Variants in SASH1 observed in about 807,000 individuals in gnomAD.
SASH1 encodes the protein SAM and SH3 domain containing 1, also known as SAM and SH3 domain-containing protein 1.
A neutral mutation model predicts 125.2 loss-of-function variants in SASH1; 44 were observed. That is an observed-to-expected ratio of 0.35 (90% CI 0.28 to 0.45). The LOEUF (loss-of-function observed/expected upper bound fraction) is 0.45. Among genes scored for constraint, SASH1 ranks in the 20% least tolerant of loss-of-function variants. The pLI, the probability that SASH1 is intolerant of heterozygous loss-of-function variation, is 1.00. For synonymous variants in SASH1, 639 were observed against 649.1 expected (o/e 0.98, Z 0.24); for missense variants, 1,426 against 1,614.5 (o/e 0.88, Z 2.00).
At chr6:148,508,914 T>G in intron 8 of SASH1, 8 of 1,055,254 alleles carry the variant, frequency 7.6e-6, no homozygotes, top group South Asian at 1.3e-5. Flanking sequence ...AAAGAAAGAA[T>G]GTGTTTTCTG....
rs371635678 is a variant in SASH1, at chr6:148,306,676, A to G, written n.74+34299A>G. ...TTCGCACAGTCTCCTCTCCCTAGAA[A>G]CACACACAAGATTCTCCCGAGCTGA... On this transcript the variant is annotated intron_variant and non_coding_transcript_variant, in intron 1 of 3. Coordinates refer to the SASH1 transcript ENST00000367469. 2.2e-4 allele frequency among the ~76,000 whole-genome samples: 33 copies of G among 152,210 alleles called. No homozygotes were observed. The East Asian group carries it at 4.2e-3, about 20-fold the overall frequency.
At chr6:148,455,317 C>T (rs1220253658) in intron 4 of SASH1, among the ~76,000 whole-genome samples, 1 of 152,220 alleles carries the variant, frequency 6.6e-6, no homozygotes, top group Non-Finnish European at 1.5e-5. Flanking sequence ...AGATCAGTGT[C>T]TTGTCAGCTT....
chr6:148,526,344 G>A (rs1746174476), intron 11 of SASH1, among the ~76,000 whole-genome samples: 1 of 152,122 alleles, frequency 6.6e-6, no homozygotes, highest in African/African-American at 2.4e-5. Flanking sequence ...TTACAGGTGT[G>A]AGCCACGCGC....
At chr6:148,511,975 G>A (rs1397385338) in intron 8 of SASH1, among the ~76,000 whole-genome samples, 1 of 151,442 alleles carries the variant, frequency 6.6e-6, no homozygotes, top group Non-Finnish European at 1.5e-5. Context: ...CAAACAATCT[G>A]TACCTATTTC....
chr6:148,425,984 A>C (rs1003457507), intron 2 of SASH1, among the ~76,000 whole-genome samples: 1 of 152,054 alleles, frequency 6.6e-6, no homozygotes, highest in African/African-American at 2.4e-5. Context: ...CAAGGCGGGC[A>C]GATCACCTGA....
At chr6:148,195,227 T>G in the SASH1 span, among the ~76,000 whole-genome samples, 1 of 152,238 alleles carries the variant, frequency 6.6e-6, no homozygotes, top group African/African-American at 2.4e-5. Context: ...GAGTTCATTT[T>G]GACAAACTAT....
At chr6:148,486,598 C>T (rs903207967) in intron 7 of SASH1, among the ~76,000 whole-genome samples, 3 of 151,604 alleles carry the variant, frequency 2.0e-5, no homozygotes, top group Admixed American at 1.3e-4. Context: ...CCATTTTGAA[C>T]AAGACAAACA....
intron 4 of SASH1, among the ~76,000 whole-genome samples, chr6:148,443,551 A>G (rs967832586): frequency 2.8e-4 from 19 of 66,876 alleles, no homozygotes; most frequent in African/African-American, 1.1e-3. Context: ...AGACCGTGAA[A>G]CTATTATGTT....
chr6:148,276,751 A>G (rs1779193942), intron 1 of SASH1, among the ~76,000 whole-genome samples: 1 of 152,050 alleles, frequency 6.6e-6, no homozygotes, highest in Non-Finnish European at 1.5e-5. Flanking sequence ...GCATTTTTTT[A>G]CCCAAGAAGT....
chr6:148,208,146 G>A, the SASH1 span, among the ~76,000 whole-genome samples: 3 of 152,066 alleles, frequency 2.0e-5, no homozygotes, highest in African/African-American at 4.8e-5. Context: ...AGCTCAGGAC[G>A]GCAACATGAT....
At chr6:148,461,952 A>G (rs2115083310) in intron 4 of SASH1, among the ~76,000 whole-genome samples, 1 of 152,318 alleles carries the variant, frequency 6.6e-6, no homozygotes, top group Non-Finnish European at 1.5e-5. Context: ...ACTACTTCTT[A>G]ATGTAAGCCC....
chr6:148,521,791 C>G (rs1688492793), intron 10 of SASH1, among the ~76,000 whole-genome samples: 1 of 152,198 alleles, frequency 6.6e-6, no homozygotes, highest in African/African-American at 2.4e-5. Context: ...AAGTGTTCTA[C>G]CCAATTCATC....
chr6:148,260,117 C>A, the SASH1 span, among the ~76,000 whole-genome samples: 1 of 152,058 alleles, frequency 6.6e-6, no homozygotes, highest in Non-Finnish European at 1.5e-5. Flanking sequence ...TATTTAAAAA[C>A]CAACATTTTT....
chr6:148,194,885 G>A, the SASH1 span, among the ~76,000 whole-genome samples: 1 of 152,304 alleles, frequency 6.6e-6, no homozygotes, highest in East Asian at 1.9e-4. Flanking sequence ...CAGCCTGGGC[G>A]ACAGAGCGAG....
At chr6:148,425,763 CCT>C (rs1775792276) in intron 2 of SASH1, among the ~76,000 whole-genome samples, 1 of 141,176 alleles carries the variant, frequency 7.1e-6, no homozygotes, top group Admixed American at 7.2e-5. Flanking sequence ...TCCCTGTCCC[CCT>C]GTGTCCCCCA....
chr6:148,273,279 T>A (rs1779106692), intron 1 of SASH1, among the ~76,000 whole-genome samples: 1 of 149,354 alleles, frequency 6.7e-6, no homozygotes, highest in Non-Finnish European at 1.5e-5. Context: ...TCTTCTTTTT[T>A]AAATTTTTCT....
intron 2 of SASH1, among the ~76,000 whole-genome samples, chr6:148,409,988 G>A (rs1464696098): frequency 1.3e-5 from 2 of 151,452 alleles, no homozygotes; most frequent in Non-Finnish European, 2.9e-5. Flanking sequence ...CAGACTATAA[G>A]GGAACATGCT....
the SASH1 span, among the ~76,000 whole-genome samples, chr6:148,263,968 C>A: frequency 6.6e-6 from 1 of 152,038 alleles, no homozygotes; most frequent in African/African-American, 2.4e-5. Context: ...AACACTTGTA[C>A]GACAATCATT....
intron 4 of SASH1, among the ~76,000 whole-genome samples, chr6:148,450,272 A>T (rs534171005): frequency 6.6e-6 from 1 of 152,320 alleles, no homozygotes; most frequent in East Asian, 1.9e-4. Context: ...TCTATAAATT[A>T]GGACCTGTCT....
Sources: allele counts gnomAD v4.1 joint callset (sites outside exome capture counted in the v4.1 genomes callset), GRCh38; gene constraint gnomAD v4.1.1; transcripts MANE v1.5; gene names NCBI Gene and HGNC (gene_info 2026-07-23, HGNC 2026-07-21).